THSD4: variants seen among roughly 807,000 people sequenced by gnomAD.
THSD4 encodes thrombospondin type 1 domain containing 4.
THSD4 carries 69 observed loss-of-function variants against 119.0 expected under a neutral mutation model. That is an observed-to-expected ratio of 0.58 (90% confidence interval 0.48 to 0.71). The LOEUF is 0.71. Ranked by LOEUF, THSD4 falls within the 30% of genes least tolerant of loss-of-function variation. The probability of loss-of-function intolerance (pLI) is 0.00; values close to 1 mark genes in which losing one functional copy is unlikely to be tolerated. For synonymous variants in THSD4, 524 were observed against 540.4 expected (o/e 0.97, Z 0.42); for missense variants, 1,393 against 1,391.1 (o/e 1.00, Z -0.02).
chr15:71,214,251 C>CTCCCTCCAG (rs1012748839), intron 3 of THSD4, among the ~76,000 whole-genome samples: 17 of 151,712 alleles, frequency 1.1e-4, no homozygotes, highest in South Asian at 6.2e-4. Flanking sequence ...ACCCGCCCCA[C>CTCCCTCCAG]TCCCTCCAGT....
chr15:71,565,505 A>AAAC (rs1282414430), intron 7 of THSD4, among the ~76,000 whole-genome samples: 2 of 152,242 alleles, frequency 1.3e-5, no homozygotes, highest in African/African-American at 4.8e-5. Context: ...TATGTGATAC[A>AAAC]GACAATTAGA....
At chr15:71,193,809 A>G (rs113589697) in intron 3 of THSD4, among the ~76,000 whole-genome samples, 2,817 of 152,082 alleles carry the variant, frequency 0.019, 37 homozygotes, top group Middle Eastern at 0.048. Flanking sequence ...CCGGGTTCAC[A>G]CCATTCTCCT....
chr15:71,725,559 G>A (rs1595892439), intron 8 of THSD4, among the ~76,000 whole-genome samples: 1 of 152,190 alleles, frequency 6.6e-6, no homozygotes, highest in African/African-American at 2.4e-5. Context: ...CAGGAGGAAA[G>A]CAAGGGGAGT....
At chr15:71,731,623 A>C (rs1006562674) in intron 10 of THSD4, 11 of 187,654 alleles carry the variant, frequency 5.9e-5, no homozygotes, top group African/African-American at 2.5e-4. Flanking sequence ...CTACAAAAAA[A>C]ATTACAGAAA....
At chr15:71,652,745 A>G (rs1208547914) in intron 7 of THSD4, among the ~76,000 whole-genome samples, 3 of 152,226 alleles carry the variant, frequency 2.0e-5, no homozygotes, top group African/African-American at 7.2e-5. Flanking sequence ...ATGCTATCCT[A>G]TTATGAACTA....
intron 6 of THSD4, among the ~76,000 whole-genome samples, chr15:71,265,787 A>G (rs2044458669): frequency 6.6e-6 from 1 of 152,180 alleles, no homozygotes; most frequent in Non-Finnish European, 1.5e-5. Context: ...GGCATCTGCC[A>G]TTACTGAGGC....
At chr15:71,445,449 G>A (rs1353716215) in intron 7 of THSD4, among the ~76,000 whole-genome samples, 1 of 152,174 alleles carries the variant, frequency 6.6e-6, no homozygotes, top group Admixed American at 6.5e-5. Flanking sequence ...CCAGTCATGA[G>A]ATCACCATGG....
chr15:71,485,695 AAG>A (rs371299748), intron 7 of THSD4, among the ~76,000 whole-genome samples: 14 of 152,096 alleles, frequency 9.2e-5, no homozygotes, highest in Non-Finnish European at 1.8e-4. Context: ...GAAAAAAAAA[AAG>A]AGAGAGAATA....
chr15:71,645,600 T>C (rs2050953350), intron 7 of THSD4, among the ~76,000 whole-genome samples: 1 of 152,196 alleles, frequency 6.6e-6, no homozygotes, highest in South Asian at 2.1e-4. Flanking sequence ...AAGAACATTC[T>C]GGAGGCCTGA....
chr15:71,717,131 G>T (rs901344501), intron 8 of THSD4, among the ~76,000 whole-genome samples: 4 of 152,166 alleles, frequency 2.6e-5, no homozygotes, highest in Non-Finnish European at 5.9e-5. Flanking sequence ...TTTTGAAAAT[G>T]GGCCTTCTTG....
At chr15:71,341,032 C>G (rs1309895355) in intron 6 of THSD4, 66 of 667,558 alleles carry the variant, frequency 9.9e-5, no homozygotes, top group Non-Finnish European at 1.3e-4. Flanking sequence ...CAGTGTCTTG[C>G]ATTTCCTCTC....
At chr15:71,642,500 CGT>C (rs1317382402) in intron 7 of THSD4, among the ~76,000 whole-genome samples, 1 of 152,008 alleles carries the variant, frequency 6.6e-6, no homozygotes, top group Admixed American at 6.6e-5. Flanking sequence ...CACATGCACA[CGT>C]ATGTTTATTG....
chr15:71,215,739 A>T (rs1056403268), intron 4 of THSD4, among the ~76,000 whole-genome samples: 1 of 151,968 alleles, frequency 6.6e-6, no homozygotes, highest in African/African-American at 2.4e-5. Flanking sequence ...GGAAGGAGAG[A>T]TCCTCAGCCT....
chr15:71,367,019 T>G (rs2028465), intron 6 of THSD4, among the ~76,000 whole-genome samples: 41,731 of 152,050 alleles, frequency 0.27, 6,353 homozygotes, highest in East Asian at 0.54. Context: ...CCATCTTCTG[T>G]GTGAACAAGG....
At chr15:71,153,907 G>T (rs2040750530) in intron 2 of THSD4, among the ~76,000 whole-genome samples, 1 of 152,132 alleles carries the variant, frequency 6.6e-6, no homozygotes, top group African/African-American at 2.4e-5. Flanking sequence ...GACAATACTT[G>T]TCTCACCTTT....
chr15:71,458,630 G>C (rs1384186966), intron 7 of THSD4, among the ~76,000 whole-genome samples: 2 of 152,108 alleles, frequency 1.3e-5, no homozygotes, highest in East Asian at 1.9e-4. Context: ...AAACAAGTAA[G>C]GTACCAAAAG....
At chr15:71,541,705 G>A (rs1264386876) in intron 7 of THSD4, among the ~76,000 whole-genome samples, 1 of 152,068 alleles carries the variant, frequency 6.6e-6, no homozygotes, top group Non-Finnish European at 1.5e-5. Context: ...TCTATTGATG[G>A]GCATTTAGGT....
Position 71,379,049 on chromosome 15 carries a change from G to A in THSD4, c.1016-32638G>A, listed in dbSNP as rs540688793. Among the ~76,000 whole-genome samples, 12 of 152,298 alleles carry A rather than the reference G, an allele frequency of 7.9e-5. 1 individual carries two copies. The South Asian group carries it at 2.3e-3, about 29-fold the overall frequency. ...TCCTCCTCTGTTGGCCTCCCAAAGC[G>A]CTGGGATTATAGGCATGAGCCACCA... On this transcript the variant is annotated intron_variant, in intron 6 of 17. Transcript: ENST00000261862.
intron 1 of THSD4, among the ~76,000 whole-genome samples, chr15:71,135,874 T>C (rs8034330): frequency 0.035 from 5,293 of 152,156 alleles, 305 homozygotes; most frequent in African/African-American, 0.12. Context: ...CTGTTGGCTC[T>C]GAGGGCCTTA....
Sources: allele counts gnomAD v4.1 joint callset (sites outside exome capture counted in the v4.1 genomes callset), GRCh38; gene constraint gnomAD v4.1.1; transcripts MANE v1.5; gene names NCBI Gene and HGNC (gene_info 2026-07-23, HGNC 2026-07-21).